CAMTA1: variants seen among roughly 807,000 people sequenced by gnomAD.
The protein encoded by CAMTA1 is calmodulin-binding transcription activator 1.
CAMTA1 carries 27 observed loss-of-function variants against 170.9 expected under a neutral mutation model. The ratio of observed to expected loss-of-function variants is 0.16; its 90% CI spans 0.12 to 0.22. The LOEUF is 0.22. Among genes scored for constraint, CAMTA1 ranks in the 10% least tolerant of loss-of-function variants. The probability of loss-of-function intolerance (pLI) is 1.00; values close to 1 mark genes in which losing one functional copy is unlikely to be tolerated. For synonymous variants in CAMTA1, 833 were observed against 891.5 expected, an observed-to-expected ratio of 0.93 and a Z score of 1.17; for missense variants, 1,619 against 2,217.2, an observed-to-expected ratio of 0.73 and a Z score of 5.42.
At chr1:7,069,006 G>T (rs973291728) in intron 3 of CAMTA1, among the ~76,000 whole-genome samples, 1 of 152,190 alleles carries the variant, frequency 6.6e-6, no homozygotes, top group African/African-American at 2.4e-5. Flanking sequence ...CAAGCTGGAC[G>T]CAGGCCTGGC....
intron 6 of CAMTA1, among the ~76,000 whole-genome samples, chr1:7,471,171 G>A (rs902937363): frequency 2.0e-5 from 3 of 152,204 alleles, no homozygotes; most frequent in African/African-American, 7.2e-5. Context: ...CTCTGTCTGT[G>A]TCTGTCTGTC....
chr1:7,318,635 C>T (rs1037745028), intron 5 of CAMTA1, among the ~76,000 whole-genome samples: 1 of 152,130 alleles, frequency 6.6e-6, no homozygotes, highest in Non-Finnish European at 1.5e-5. Context: ...ATCAGAATTC[C>T]ACAGGAGAGG....
In CAMTA1 at chr1:6,876,615, G is replaced by A. The variant is rs905623291; in HGVS notation, c.234+51405G>A. On this transcript the variant is annotated intron_variant, in intron 3 of 22. Transcript: ENST00000303635. ...TGACCTCAGGTGATCCACCCGCCTC[G>A]GCCTCCTAGAGTGCTGGGATTACCG... Among the ~76,000 whole-genome samples the A allele has an allele frequency of 2.6e-5, 4 of 152,214 alleles. No individual in the cohort carries two copies. In the East Asian group the frequency reaches 5.8e-4, roughly 22 times the overall value.
intron 5 of CAMTA1, among the ~76,000 whole-genome samples, chr1:7,465,409 A>G (rs1349105649): frequency 6.6e-6 from 1 of 151,720 alleles, no homozygotes; most frequent in Non-Finnish European, 1.5e-5. Context: ...GTTTGATGTG[A>G]TCCTTGCCTA....
At chr1:7,578,694 G>A (rs2095227036) in intron 6 of CAMTA1, among the ~76,000 whole-genome samples, 1 of 152,156 alleles carries the variant, frequency 6.6e-6, no homozygotes, top group Non-Finnish European at 1.5e-5. Flanking sequence ...TGATCTAGAG[G>A]GTGGGAAGTC....
chr1:7,691,045 A>G (rs1379683917), intron 11 of CAMTA1, among the ~76,000 whole-genome samples: 1 of 152,254 alleles, frequency 6.6e-6, no homozygotes, highest in Non-Finnish European at 1.5e-5. Context: ...CTTCCCGTCC[A>G]GGGGAGGAAA....
At chr1:7,279,338 A>C (rs1671178528) in intron 5 of CAMTA1, among the ~76,000 whole-genome samples, 1 of 152,140 alleles carries the variant, frequency 6.6e-6, no homozygotes, top group South Asian at 2.1e-4. Context: ...AGGTGGTCCC[A>C]GTTCTGTTTC....
At chr1:7,023,961 G>A (rs1208191277) in intron 3 of CAMTA1, among the ~76,000 whole-genome samples, 2 of 150,938 alleles carry the variant, frequency 1.3e-5, no homozygotes, top group African/African-American at 4.9e-5. Context: ...CTGGCGGGGT[G>A]GAGCTTGCAG....
At chr1:7,391,328 A>AGTGTGTGT (rs35663101) in intron 5 of CAMTA1, among the ~76,000 whole-genome samples, 3,757 of 146,968 alleles carry the variant, frequency 0.026, 123 homozygotes, top group African/African-American at 0.073. Flanking sequence ...CCCTTTACAC[A>AGTGTGTGT]GTGTGTGTGT....
intron 4 of CAMTA1, among the ~76,000 whole-genome samples, chr1:7,241,524 G>T (rs1664851743): frequency 6.6e-6 from 1 of 152,196 alleles, no homozygotes; most frequent in Admixed American, 6.5e-5. Flanking sequence ...AAAGTTGGAG[G>T]ACTTATAGTC....
At chr1:7,396,624 CTG>C (rs1374548138) in intron 5 of CAMTA1, among the ~76,000 whole-genome samples, 1 of 152,152 alleles carries the variant, frequency 6.6e-6, no homozygotes, top group East Asian at 1.9e-4. Flanking sequence ...ATGATGTTAG[CTG>C]TGTGTTTGTC....
In CAMTA1 at chr1:7,117,167, C is replaced by T. The variant is rs151103147; in HGVS notation, c.302+25796C>T. ...TGTATTTTTAGTACAGATGGGGTTTCGCCATGTTGGCCAGGCTGGTCTTGA... is the reference window on the plus strand; with the variant it reads ...TGTATTTTTAGTACAGATGGGGTTTTGCCATGTTGGCCAGGCTGGTCTTGA... On this transcript the variant is annotated intron_variant, in intron 4 of 22. Transcript: ENST00000303635. Among the ~76,000 whole-genome samples the T allele has an allele frequency of 9.5e-3, 1,440 of 151,616 alleles. 21 individuals carry two copies. The highest frequency in any genetic ancestry group is 0.033 in the African/African-American group (1,343 of 41,284).
intron 11 of CAMTA1, among the ~76,000 whole-genome samples, chr1:7,716,602 C>T (rs1200962791): frequency 2.7e-5 from 4 of 149,594 alleles, no homozygotes; most frequent in African/African-American, 4.9e-5. Flanking sequence ...ATTTTTGGAA[C>T]GTCTTGGGCT....
At position 7,766,755 on chromosome 1, in the gene CAMTA1, C is replaced by G. The variant is rs2097027308; in HGVS notation, c.*264C>G. On this transcript the variant is annotated 3_prime_UTR_variant, in exon 23 of 23. Transcript: ENST00000303635. ...CTTGGAACTCAATCTTCTGTTGGAT[C>G]ACGGGAAATCAAGACACCCAGGAGG... The G allele has an allele frequency of 4.2e-6, 2 of 473,028 alleles. No individual in the cohort carries two copies. The highest frequency in any genetic ancestry group is 7.6e-6 in the Non-Finnish European group (2 of 262,936). 29.3% of individuals were successfully genotyped at this position (473,028 alleles called of 1,614,324 possible).
At chr1:6,986,778 G>A (rs941276364) in intron 3 of CAMTA1, among the ~76,000 whole-genome samples, 1 of 152,108 alleles carries the variant, frequency 6.6e-6, no homozygotes, top group African/African-American at 2.4e-5. Context: ...TGCTGTGGAC[G>A]TGAGTTAATG....
intron 1 of CAMTA1, among the ~76,000 whole-genome samples, chr1:6,814,311 C>T (rs558701078): frequency 6.6e-5 from 10 of 152,308 alleles, no homozygotes; most frequent in South Asian, 2.1e-4. Flanking sequence ...CCATCTCCTT[C>T]TCTTCCTCCT....
chr1:6,847,280 T>G (rs1410372898), intron 3 of CAMTA1, among the ~76,000 whole-genome samples: 1 of 152,028 alleles, frequency 6.6e-6, no homozygotes, highest in African/African-American at 2.4e-5. Flanking sequence ...ACACTAAAGC[T>G]GTATTTTGAA....
chr1:7,531,006 G>A (rs546577077), intron 6 of CAMTA1, among the ~76,000 whole-genome samples: 25 of 151,912 alleles, frequency 1.6e-4, no homozygotes, highest in Middle Eastern at 3.4e-3. Flanking sequence ...TAGAAGAGAC[G>A]GGGTTTCACC....
chr1:6,804,491 C>A (rs1199778149), intron 1 of CAMTA1, among the ~76,000 whole-genome samples: 1 of 152,100 alleles, frequency 6.6e-6, no homozygotes. Context: ...TACCCATTAG[C>A]AGCCACTCCC....
Sources: gnomAD v4.1 joint callset for allele counts (sites outside exome capture counted in the v4.1 genomes callset) on GRCh38, gnomAD v4.1.1 for gene constraint, MANE v1.5 for transcripts, NCBI Gene and HGNC (gene_info 2026-07-23, HGNC 2026-07-21) for gene names.